The following FRY variants were observed in gnomAD, a reference collection of about 807,000 sequenced individuals.
FRY encodes protein furry homolog.
FRY carries 128 observed loss-of-function variants against 348.4 expected under a neutral mutation model. That is an observed-to-expected ratio of 0.37 (90% CI 0.32 to 0.43). FRY has a LOEUF of 0.43. Ranked by LOEUF, FRY falls within the 20% of genes least tolerant of loss-of-function variation. FRY has a pLI of 1.00. For missense variants in FRY, 2,736 were observed against 3,695.2 expected (o/e 0.74, Z 6.73); for synonymous variants, 1,370 against 1,374.7 (o/e 1.00, Z 0.08).
chr13:32,274,433 C>T (rs1396429100), intron 55 of FRY, among the ~76,000 whole-genome samples: 2 of 152,046 alleles, frequency 1.3e-5, no homozygotes, highest in South Asian at 4.1e-4. Context: ...CAGGGCCAGA[C>T]GCAGTGGCTC....
chr13:32,278,074 A>C (rs375366171), intron 57 of FRY, among the ~76,000 whole-genome samples: 89 of 152,330 alleles, frequency 5.8e-4, no homozygotes, highest in African/African-American at 2.1e-3. Flanking sequence ...AGGTGTGTCC[A>C]AGTCAGGTCA....
chr13:32,153,613 T>C (rs1279535292), intron 14 of FRY, among the ~76,000 whole-genome samples: 1 of 152,208 alleles, frequency 6.6e-6, no homozygotes, highest in Non-Finnish European at 1.5e-5. Context: ...GATGGTTACC[T>C]GACTATGTAT....
At chr13:32,174,735 T>C (rs181811293) in intron 19 of FRY, among the ~76,000 whole-genome samples, 18 of 152,318 alleles carry the variant, frequency 1.2e-4, no homozygotes, top group Admixed American at 1.1e-3. Flanking sequence ...CATAATTTTT[T>C]TTAAACCACT....
At chr13:32,217,146 A>G (rs1388436367) in intron 35 of FRY, among the ~76,000 whole-genome samples, 8 of 152,156 alleles carry the variant, frequency 5.3e-5, no homozygotes, top group Admixed American at 3.3e-4. Flanking sequence ...TAGAGTATTG[A>G]TCTGTTATGA....
intron 31 of FRY, among the ~76,000 whole-genome samples, chr13:32,202,849 C>T (rs992121200): frequency 6.6e-6 from 1 of 151,592 alleles, no homozygotes; most frequent in African/African-American, 2.4e-5. Flanking sequence ...ACTTAGGAGG[C>T]TAGGCAGGAG....
intron 1 of FRY, among the ~76,000 whole-genome samples, chr13:32,064,264 A>G (rs1477188084): frequency 6.6e-6 from 1 of 151,856 alleles, no homozygotes; most frequent in African/African-American, 2.4e-5. Flanking sequence ...CCCACCATTC[A>G]TAAATTCCTA....
chr13:32,089,798 TAGG>T (rs1876136124), intron 2 of FRY, among the ~76,000 whole-genome samples: 2 of 151,366 alleles, frequency 1.3e-5, no homozygotes, highest in Admixed American at 1.3e-4. Flanking sequence ...GTCTAAGAAG[TAGG>T]AGGAGAACAG....
At chr13:32,294,328 G>C (rs1889522093) in intron 59 of FRY, 40 bp from the exon 60 acceptor site, 2 of 1,413,788 alleles carry the variant, frequency 1.4e-6, no homozygotes, top group Non-Finnish European at 2.0e-6. Flanking sequence ...AATTCCCCCA[G>C]CACCTAAATA....
At chr13:32,254,948 A>G (rs1887259031) in intron 51 of FRY, among the ~76,000 whole-genome samples, 3 of 152,170 alleles carry the variant, frequency 2.0e-5, no homozygotes, top group Admixed American at 2.0e-4. Context: ...TGTTCTAGAC[A>G]CTGGAGCAGC....
In FRY at chr13:32,101,897, G is replaced by A. The variant is rs73460674; in HGVS notation, c.271-66G>A. ...AGTGAGAAAAAATGGAACAATAATG[G>A]CATTTCTTTTATACTATTTAAGAGA... On this transcript the variant is annotated intron_variant, in intron 2 of 60. Coordinates refer to ENST00000542859, the MANE Select transcript of FRY (RefSeq NM_023037.3). The A allele has an allele frequency of 9.8e-4, 908 of 922,432 alleles. 10 individuals are homozygous for A. The African/African-American group carries it at 0.011, about 11-fold the overall frequency. The allele number at this position is 922,432 out of a possible 1,614,324, so 57.1% of individuals were successfully genotyped here.
intron 16 of FRY, among the ~76,000 whole-genome samples, chr13:32,159,836 C>T (rs773319462): frequency 3.9e-5 from 6 of 152,214 alleles, no homozygotes; most frequent in Non-Finnish European, 8.8e-5. Context: ...GGCTCTAACA[C>T]TGTACAGCTA....
chr13:32,285,330 A>C (rs1888993135), intron 58 of FRY, among the ~76,000 whole-genome samples: 1 of 152,200 alleles, frequency 6.6e-6, no homozygotes, highest in Admixed American at 6.5e-5. Flanking sequence ...TCTAAATGCA[A>C]ACTAGGTCCC....
intron 28 of FRY, among the ~76,000 whole-genome samples, chr13:32,192,487 T>C (rs549775799): frequency 6.6e-6 from 1 of 152,060 alleles, no homozygotes; most frequent in East Asian, 1.9e-4. Flanking sequence ...TAATTTTTTG[T>C]ATTTTTAGTA....
In FRY at chr13:32,216,571, C is replaced by T. The variant is rs138127535; in HGVS notation, c.4683-2178C>T. On this transcript the variant is annotated intron_variant, in intron 35 of 60. Transcript: ENST00000542859. ...TTCATGGTAGCTGGAAGTGCTGTGGCGCTCTCCACCCGACGGAAACCTGCA... is the reference window on the plus strand; with the variant it reads ...TTCATGGTAGCTGGAAGTGCTGTGGTGCTCTCCACCCGACGGAAACCTGCA... 1.6e-3 allele frequency among the ~76,000 whole-genome samples: 246 copies of T among 152,286 alleles called. 1 individual carries two copies. The highest frequency in any genetic ancestry group is 5.1e-3 in the African/African-American group (211 of 41,566).
At chr13:32,103,603 G>A (rs56679601) in intron 3 of FRY, among the ~76,000 whole-genome samples, 1 of 152,180 alleles carries the variant, frequency 6.6e-6, no homozygotes, top group African/African-American at 2.4e-5. Context: ...ACATGTGTAT[G>A]TATATATGTA....
chr13:32,166,066 C>T (rs551280150), intron 17 of FRY, among the ~76,000 whole-genome samples: 78 of 151,400 alleles, frequency 5.2e-4, no homozygotes, highest in African/African-American at 1.9e-3. Flanking sequence ...GAGAATCATG[C>T]CAGGCCTGCT....
intron 35 of FRY, among the ~76,000 whole-genome samples, chr13:32,218,395 C>T (rs1372658132): frequency 2.0e-5 from 3 of 152,070 alleles, no homozygotes; most frequent in Non-Finnish European, 2.9e-5. Context: ...TGAGTAAGAG[C>T]GTAGGCTGGG....
Position 32,249,321 on chromosome 13 carries a change from G to A in FRY, c.7009-205G>A, listed in dbSNP as rs946056424. Among the ~76,000 whole-genome samples the A allele has an allele frequency of 4.4e-4, 67 of 152,174 alleles. 1 individual carries two copies. Among genetic ancestry groups the A allele is most frequent in the African/African-American group, 1.5e-3 (64 of 41,526 alleles). On this transcript the variant is annotated intron_variant, in intron 48 of 60. Transcript: ENST00000542859. The stretch of plus-strand genomic sequence containing the variant: ...GAACAAGCAGTTGCATTTTTCTGCC[G>A]CTAAAGAGGGGAGGAAATGTTGAAG...
intron 13 of FRY, among the ~76,000 whole-genome samples, chr13:32,148,786 A>ATT (rs1880615963): frequency 6.6e-6 from 1 of 152,244 alleles, no homozygotes; most frequent in Admixed American, 6.5e-5. Flanking sequence ...TGATACTGAT[A>ATT]TAAAGTGTAA....
Sources: gnomAD v4.1 joint callset for allele counts (sites outside exome capture counted in the v4.1 genomes callset) on GRCh38, gnomAD v4.1.1 for gene constraint, MANE v1.5 for transcripts, NCBI Gene and HGNC (gene_info 2026-07-23, HGNC 2026-07-21) for gene names.